Variants in EIF4G3 observed in about 807,000 individuals in gnomAD.
EIF4G3 encodes eIF-4-gamma 3.
EIF4G3 carries 34 observed loss-of-function variants against 186.4 expected under a neutral mutation model. The ratio of observed to expected loss-of-function variants is 0.18; its 90% CI spans 0.14 to 0.24. EIF4G3 has a LOEUF of 0.24. EIF4G3 is among the 10% of genes least tolerant of loss of function. The probability of loss-of-function intolerance (pLI) is 1.00; values close to 1 mark genes in which losing one functional copy is unlikely to be tolerated. For synonymous variants in EIF4G3, 673 were observed against 679.5 expected (o/e 0.99, Z 0.15); for missense variants, 1,536 against 1,948.5 (o/e 0.79, Z 3.99).
intron 3 of EIF4G3, among the ~76,000 whole-genome samples, chr1:21,076,374 T>G (rs1315519263): frequency 6.6e-6 from 1 of 151,620 alleles, no homozygotes; most frequent in Non-Finnish European, 1.5e-5. Flanking sequence ...TTTATTGCAA[T>G]AAACACCTAC....
At chr1:21,105,580 G>A (rs2096602963) in intron 2 of EIF4G3, among the ~76,000 whole-genome samples, 1 of 152,000 alleles carries the variant, frequency 6.6e-6, no homozygotes, top group Non-Finnish European at 1.5e-5. Flanking sequence ...TAGTGAAAAT[G>A]GTATGAAGAA....
At chr1:20,870,334 G>A (rs1363012419) in intron 20 of EIF4G3, among the ~76,000 whole-genome samples, 1 of 152,120 alleles carries the variant, frequency 6.6e-6, no homozygotes, top group African/African-American at 2.4e-5. Flanking sequence ...ACAGTATACA[G>A]AATGCTTAAA....
At chr1:20,950,366 G>A (rs1220730699) in intron 12 of EIF4G3, among the ~76,000 whole-genome samples, 1 of 152,126 alleles carries the variant, frequency 6.6e-6, no homozygotes, top group East Asian at 1.9e-4. Flanking sequence ...AGAGAAGACA[G>A]CACAACAATC....
intron 4 of EIF4G3, among the ~76,000 whole-genome samples, chr1:21,029,428 T>C (rs1013254609): frequency 2.6e-5 from 4 of 151,716 alleles, no homozygotes; most frequent in Admixed American, 6.6e-5. Context: ...CTGAGTTAGA[T>C]TCAGGGACGA....
chr1:21,142,439 G>A (rs2097357302), intron 2 of EIF4G3, among the ~76,000 whole-genome samples: 1 of 152,134 alleles, frequency 6.6e-6, no homozygotes, highest in Non-Finnish European at 1.5e-5. Context: ...CCTGGATGGT[G>A]GAAGTTGCAG....
intron 3 of EIF4G3, among the ~76,000 whole-genome samples, chr1:21,070,262 C>G (rs777105052): frequency 1.3e-5 from 2 of 152,030 alleles, no homozygotes; most frequent in Admixed American, 6.6e-5. Context: ...CTTACTTTCT[C>G]TAATTGCTAC....
chr1:20,944,768 T>G (rs2095868356), intron 13 of EIF4G3, among the ~76,000 whole-genome samples: 1 of 150,498 alleles, frequency 6.6e-6, no homozygotes, highest in Non-Finnish European at 1.5e-5. Context: ...CATGGTGAGC[T>G]CATGCCTGTA....
intron 12 of EIF4G3, 60 bp from the exon 13 acceptor site, chr1:20,950,171 A>G (rs971933263): frequency 7.7e-7 from 1 of 1,293,764 alleles, no homozygotes; most frequent in Non-Finnish European, 1.1e-6. Flanking sequence ...AACTAGCAAC[A>G]TGGAACCCAA....
In EIF4G3 at chr1:20,907,119, AT is replaced by A. The variant is rs1271231551; in HGVS notation, c.1664-2149del. ...TTCATTGCACAGGGAGGGCACTCGA[AT>A]TTGTTGACTGAACAAATAATAGCAG... is the stretch of plus-strand genomic sequence containing the variant. On this transcript the variant is annotated intron_variant, in intron 14 of 36. Transcript: ENST00000602326. 3.3e-5 allele frequency among the ~76,000 whole-genome samples: 5 copies of A among 152,292 alleles called. No individual in the cohort carries two copies. The South Asian group carries it at 6.2e-4, about 19-fold the overall frequency.
chr1:20,820,011 A>G lies in EIF4G3; in HGVS notation c.4369-2473T>C, dbSNP rs143636908. On this transcript the variant is annotated intron_variant, in intron 33 of 36. Transcript: ENST00000602326. Reference sequence around the variant, plus strand: ...AGGTGCAGCTGGGGCCGTACACTGCATGGAGCCGGTGGGAGCCCTGCCCCT... The same window carrying G: ...AGGTGCAGCTGGGGCCGTACACTGCGTGGAGCCGGTGGGAGCCCTGCCCCT... Among the ~76,000 whole-genome samples the G allele has an allele frequency of 6.9e-3, 1,049 of 152,202 alleles. 14 individuals carry two copies. Among genetic ancestry groups the G allele is most frequent in the African/African-American group, 0.023 (967 of 41,540 alleles).
intron 11 of EIF4G3, among the ~76,000 whole-genome samples, chr1:20,969,886 T>TG (rs1430647504): frequency 6.6e-6 from 1 of 152,132 alleles, no homozygotes; most frequent in Non-Finnish European, 1.5e-5. Flanking sequence ...CCTGTAAGAC[T>TG]GATTTTATTT....
At chr1:21,024,179 G>T (rs2091578365) in intron 4 of EIF4G3, among the ~76,000 whole-genome samples, 1 of 149,994 alleles carries the variant, frequency 6.7e-6, no homozygotes, top group Admixed American at 6.6e-5. Flanking sequence ...GGGGGGGTCA[G>T]CCCCCCGCCC....
intron 29 of EIF4G3, among the ~76,000 whole-genome samples, chr1:20,844,843 C>CA (rs898642514): frequency 5.3e-5 from 8 of 151,520 alleles, no homozygotes; most frequent in Non-Finnish European, 2.9e-5. Flanking sequence ...AAAAAACAAA[C>CA]AAAAAAAAGA....
intron 18 of EIF4G3, 36 bp downstream of exon 18, chr1:20,893,481 G>A: frequency 6.4e-7 from 1 of 1,559,766 alleles, no homozygotes; most frequent in East Asian, 2.3e-5. Context: ...CTGTGCCAGT[G>A]TCTAACTAAG....
chr1:21,130,216 CTTTTTTTT>C (rs71014159), intron 2 of EIF4G3, among the ~76,000 whole-genome samples: 4 of 75,346 alleles, frequency 5.3e-5, no homozygotes, highest in Non-Finnish European at 9.6e-5. Context: ...GACCCCATCT[CTTTTTTTT>C]TTTTTTTTTT....
chr1:21,101,667 C>A (rs1051734193), intron 2 of EIF4G3, among the ~76,000 whole-genome samples: 8 of 148,828 alleles, frequency 5.4e-5, no homozygotes, highest in Non-Finnish European at 1.0e-4. Flanking sequence ...CTCATTCCAA[C>A]AGACATTCCT....
intron 2 of EIF4G3, among the ~76,000 whole-genome samples, chr1:21,100,629 G>A (rs2096494194): frequency 1.3e-5 from 2 of 152,096 alleles, no homozygotes; most frequent in Admixed American, 6.6e-5. Context: ...TCAGGAGTCT[G>A]AGGCAGAAGG....
chr1:21,025,861 T>C lies in EIF4G3; in HGVS notation c.-66-23053A>G, dbSNP rs144582993. ...AGAATGAACTAAGAATCAGCAAACA[T>C]AACCAACAGTCCTTGCCATGAGAGT... On this transcript the variant is annotated intron_variant, in intron 4 of 36. Transcript: ENST00000602326. Among the ~76,000 whole-genome samples the C allele has an allele frequency of 5.5e-3, 840 of 152,262 alleles. 4 individuals carry two copies. Among genetic ancestry groups the C allele is most frequent in the Non-Finnish European group, 7.9e-3 (535 of 68,024 alleles).
At chr1:21,021,695 A>G (rs770952593) in intron 4 of EIF4G3, among the ~76,000 whole-genome samples, 7 of 152,066 alleles carry the variant, frequency 4.6e-5, no homozygotes, top group Admixed American at 2.6e-4. Flanking sequence ...AGCTGGGACT[A>G]CAGGCGCGCA....
Sources: allele counts gnomAD v4.1 joint callset (sites outside exome capture counted in the v4.1 genomes callset), GRCh38; gene constraint gnomAD v4.1.1; transcripts MANE v1.5; gene names NCBI Gene and HGNC (gene_info 2026-07-23, HGNC 2026-07-21).